Variants in NKD1 observed in about 807,000 individuals in gnomAD.
NKD1 encodes NKD inhibitor of Wnt signaling pathway 1.
Under a neutral mutation model 56.0 loss-of-function variants are expected in NKD1, and 21 were observed. That is an observed-to-expected ratio of 0.38 (90% CI 0.27 to 0.54). The LOEUF (loss-of-function observed/expected upper bound fraction) is 0.54. Among genes scored for constraint, NKD1 ranks in the 20% least tolerant of loss-of-function variants. The pLI is 0.82. For synonymous variants in NKD1, 263 were observed against 265.7 expected (o/e 0.99, Z 0.10); for missense variants, 578 against 642.7 (o/e 0.90, Z 1.09).
Position 50,630,377 on chromosome 16 carries a change from C to T in NKD1, c.610+44C>T, listed in dbSNP as rs544000093. On this transcript the variant is annotated intron_variant, in intron 7 of 9. Transcript: ENST00000268459. Reference sequence around the variant, plus strand: ...AGCCTGGGAAACAATGTCCTCCCATCTCAGGAAGGAACAGAGCCTTCCTGG... The same window carrying T: ...AGCCTGGGAAACAATGTCCTCCCATTTCAGGAAGGAACAGAGCCTTCCTGG... 30 of 1,606,736 alleles carry T rather than the reference C, an allele frequency of 1.9e-5. No homozygotes were observed. In the South Asian group the frequency reaches 2.9e-4, roughly 15 times the overall value.
At chr16:50,583,840 CATGGGTATT>C (rs1428588819) in intron 3 of NKD1, among the ~76,000 whole-genome samples, 2 of 152,218 alleles carry the variant, frequency 1.3e-5, no homozygotes, top group Non-Finnish European at 2.9e-5. Context: ...TTGATCCCTT[CATGGGTATT>C]GTCAAGAATT....
chr16:50,644,298 A>C lies in NKD1; in HGVS notation c.*10517A>C, dbSNP rs1962636053. 1 of 152,264 alleles carries C rather than the reference A, an allele frequency of 6.6e-6. No individual in the cohort carries two copies. Among genetic ancestry groups the C allele is most frequent in the Non-Finnish European group, 1.5e-5 (1 of 68,052 alleles). 9.4% of individuals were successfully genotyped at this position (152,264 alleles called of 1,614,324 possible). A position where few individuals can be genotyped will look rare whatever the true frequency, so the allele number is the denominator to read the frequency against. On this transcript the variant is annotated 3_prime_UTR_variant, in exon 10 of 10. Transcript: ENST00000268459. ...CACTTGTTCACCAGATTATCTTATA[A>C]TCCCAAAGGCCCAGCAAAGACAGGT...
intron 3 of NKD1, among the ~76,000 whole-genome samples, chr16:50,588,903 C>T (rs924393339): frequency 2.0e-5 from 3 of 152,054 alleles, no homozygotes; most frequent in Non-Finnish European, 4.4e-5. Flanking sequence ...CATGCCTGGC[C>T]TCATATTTCT....
intron 3 of NKD1, among the ~76,000 whole-genome samples, chr16:50,559,654 C>CA (rs1027582393): frequency 6.6e-6 from 1 of 151,892 alleles, no homozygotes; most frequent in African/African-American, 2.4e-5. Context: ...CTCCTTGCCG[C>CA]AAGTCTTCCA....
In NKD1 at chr16:50,630,282, G is replaced by T; in HGVS notation, c.559G>T (p.Val187Leu). ...SSKMLRVKLTVAPDGSQSKRS... is the reference protein window; with the variant it reads ...SSKMLRVKLTLAPDGSQSKRS... The stretch of plus-strand genomic sequence containing the variant: ...CAAGATGCTGCGGGTAAAGCTCACC[G>T]TGGCCCCCGATGGCAGCCAGAGCAA... The change falls in exon 7 of 10, where the codon GTG (valine) becomes TTG (leucine). Residue 187 changes from valine (V) to leucine (L), a missense_variant. Physicochemically the swap from Val to Leu is conservative, Grantham distance 32. Transcript: ENST00000268459. 6.2e-7 allele frequency: 1 copy of T among 1,614,156 alleles called. No individual in the cohort carries two copies. The highest frequency in any genetic ancestry group is 1.1e-5 in the South Asian group (1 of 91,074).
intron 4 of NKD1, among the ~76,000 whole-genome samples, chr16:50,615,292 A>C (rs971314360): frequency 3.3e-5 from 5 of 152,204 alleles, no homozygotes; most frequent in South Asian, 2.1e-4. Context: ...CATTTTGATG[A>C]TGCTGCTGAT....
Position 50,633,843 on chromosome 16 carries a change from T to G in NKD1, c.*62T>G. ...ACCCCACCCCCGACACCACAAGGCA[T>G]TATTATTCTATTAATTATTGTTATT... On this transcript the variant is annotated 3_prime_UTR_variant, in exon 10 of 10. Coordinates refer to ENST00000268459, the MANE Select transcript of NKD1 (RefSeq NM_033119.5). This position sits in a 1 kb window ranked among gnomAD's most constrained non-coding sequence, Gnocchi z 4.9. 2 of 729,688 alleles carry G rather than the reference T, an allele frequency of 2.7e-6. No individual in the cohort carries two copies. Among genetic ancestry groups the G allele is most frequent in the Non-Finnish European group, 4.4e-6 (2 of 459,364 alleles). 45.2% of individuals were successfully genotyped at this position (729,688 alleles called of 1,614,324 possible).
intron 5 of NKD1, among the ~76,000 whole-genome samples, chr16:50,622,701 G>A (rs1436854769): frequency 6.6e-6 from 1 of 152,198 alleles, no homozygotes; most frequent in South Asian, 2.1e-4. Flanking sequence ...GAGTTCGTGC[G>A]CCTAAAGGTC....
At chr16:50,580,084 C>G (rs1429721086) in intron 3 of NKD1, among the ~76,000 whole-genome samples, 1 of 152,106 alleles carries the variant, frequency 6.6e-6, no homozygotes, top group Non-Finnish European at 1.5e-5. Flanking sequence ...CACATGCACT[C>G]TAACCCACTA....
At chr16:50,562,980 ACCACCAC>A (rs1168223207) in intron 3 of NKD1, among the ~76,000 whole-genome samples, 10 of 56,378 alleles carry the variant, frequency 1.8e-4, no homozygotes, top group African/African-American at 7.6e-4. Context: ...GCTAGGTCCC[ACCACCAC>A]CCCCCCCCCC....
Position 50,634,590 on chromosome 16 carries a change from G to T in NKD1, c.*809G>T, listed in dbSNP as rs1962427083. Reference sequence around the variant, plus strand: ...GGTTTTCCAAGATCCAGGCAATTGTGTGCTGTTGGTTGTGGTGGAGGATGT... The same window carrying T: ...GGTTTTCCAAGATCCAGGCAATTGTTTGCTGTTGGTTGTGGTGGAGGATGT... On this transcript the variant is annotated 3_prime_UTR_variant, in exon 10 of 10. Transcript: ENST00000268459. 1 of 152,394 alleles carries T rather than the reference G, an allele frequency of 6.6e-6. No homozygotes were observed. The highest frequency in any genetic ancestry group is 6.5e-5 in the Admixed American group (1 of 15,292). The allele number at this position is 152,394 out of a possible 1,614,324, so 9.4% of individuals were successfully genotyped here.
intron 3 of NKD1, among the ~76,000 whole-genome samples, chr16:50,589,693 T>TC (rs1186018142): frequency 2.5e-4 from 37 of 145,480 alleles, no homozygotes; most frequent in African/African-American, 8.1e-4. Flanking sequence ...CTTTCTTTTC[T>TC]TTTCTCTTCT....
rs1391987442 is a variant in NKD1 at position 50,638,798 on chromosome 16, T to C, written c.*5017T>C. On this transcript the variant is annotated 3_prime_UTR_variant, in exon 10 of 10. Coordinates refer to ENST00000268459, the MANE Select transcript of NKD1 (RefSeq NM_033119.5). ...GGAATAGGTGAGACCCATTTGCCAG[T>C]AGCAGACGGGGACCCTGGGGAGAAA... The C allele has an allele frequency of 6.6e-6, 1 of 152,218 alleles. No individual in the cohort carries two copies. Among genetic ancestry groups the C allele is most frequent in the Non-Finnish European group, 1.5e-5 (1 of 68,052 alleles). 9.4% of individuals were successfully genotyped at this position (152,218 alleles called of 1,614,324 possible).
rs894476773 is a variant in NKD1 at position 50,598,026 on chromosome 16, C to G, written c.193-10268C>G. Among the ~76,000 whole-genome samples, 3 of 152,064 alleles carry G rather than the reference C, an allele frequency of 2.0e-5. No homozygotes were observed. Among genetic ancestry groups the G allele is most frequent in the Non-Finnish European group, 2.9e-5 (2 of 68,012 alleles). ...CTCCGGGTGAAGGGGACAGGATGGT[C>G]CAGGGCTGGGAGGCTCCAAGTGGGC... On this transcript the variant is annotated intron_variant, in intron 3 of 9. Transcript: ENST00000268459. The surrounding 1 kb of genome is among the most constrained non-coding windows in gnomAD (Gnocchi z 4.2).
Position 50,549,504 on chromosome 16 carries a change from C to G in NKD1, c.141C>G (p.Val47=), listed in dbSNP as rs779201570. 32 of 1,608,912 alleles carry G rather than the reference C, an allele frequency of 2.0e-5. No individual in the cohort carries two copies. Among genetic ancestry groups the G allele is most frequent in the Admixed American group, 1.2e-4 (7 of 59,662 alleles). Residue 47 remains valine, a synonymous_variant, in exon 3 of 10, where the codon GTC becomes GTG. Coordinates refer to ENST00000268459, the MANE Select transcript of NKD1 (RefSeq NM_033119.5). The stretch of plus-strand genomic sequence containing the variant: ...GGAGACAGCGCTGCCCGGGCGGTGT[C>G]TCGGGACCCCGACAGCTGCGGTTGG... ...WIGRQRCPGG[V]SGPRQLRLAG...
At chr16:50,587,899 A>G (rs931729142) in intron 3 of NKD1, among the ~76,000 whole-genome samples, 3 of 152,216 alleles carry the variant, frequency 2.0e-5, no homozygotes, top group Non-Finnish European at 4.4e-5. Flanking sequence ...CCTTATGGAA[A>G]TCTATCAAAT....
rs1247330612 is a variant in NKD1 at position 50,640,792 on chromosome 16, A to G, written c.*7011A>G. The G allele has an allele frequency of 1.3e-5, 2 of 152,240 alleles. No individual in the cohort carries two copies. Among genetic ancestry groups the G allele is most frequent in the Admixed American group, 1.3e-4 (2 of 15,288 alleles). The allele number at this position is 152,240 out of a possible 1,614,324, so 9.4% of individuals were successfully genotyped here. On this transcript the variant is annotated 3_prime_UTR_variant, in exon 10 of 10. Coordinates refer to ENST00000268459, the MANE Select transcript of NKD1 (RefSeq NM_033119.5). ...TAAATAAGGATATTAGAAAAAGAAT[A>G]GAAAATTGCAGTCCCTTACTGTTTA...
intron 3 of NKD1, among the ~76,000 whole-genome samples, chr16:50,589,647 G>T (rs1035201117): frequency 6.6e-5 from 10 of 152,198 alleles, no homozygotes; most frequent in African/African-American, 1.7e-4. Context: ...TAAAGGCAGC[G>T]GGCAAATGGA....
At chr16:50,590,401 A>T (rs1005809517) in intron 3 of NKD1, among the ~76,000 whole-genome samples, 2 of 152,264 alleles carry the variant, frequency 1.3e-5, no homozygotes, top group Non-Finnish European at 2.9e-5. Flanking sequence ...CGAATGCTAA[A>T]GATGTTTAGA....
Sources: allele counts gnomAD v4.1 joint callset (sites outside exome capture counted in the v4.1 genomes callset), GRCh38; gene constraint gnomAD v4.1.1; non-coding constraint Gnocchi (gnomAD v3.1); transcripts MANE v1.5; gene names NCBI Gene and HGNC (gene_info 2026-07-23, HGNC 2026-07-21).